Variants in ERN1 observed in about 807,000 individuals in gnomAD.
ERN1 encodes endoplasmic reticulum to nucleus signaling 1.
ERN1 carries 39 observed loss-of-function variants against 113.1 expected under a neutral mutation model. The ratio of observed to expected loss-of-function variants is 0.34; its 90% confidence interval spans 0.27 to 0.45. The LOEUF (loss-of-function observed/expected upper bound fraction) is 0.45. Ranked by LOEUF, ERN1 falls within the 20% of genes least tolerant of loss-of-function variation. The pLI is 1.00. For missense variants in ERN1, 976 were observed against 1,274.8 expected, an observed-to-expected ratio of 0.77 and a Z score of 3.57; for synonymous variants, 507 against 515.9, an observed-to-expected ratio of 0.98 and a Z score of 0.23.
At chr17:64,061,504 T>A (rs1913053621) in intron 10 of ERN1, among the ~76,000 whole-genome samples, 1 of 152,250 alleles carries the variant, frequency 6.6e-6, no homozygotes, top group Non-Finnish European at 1.5e-5. Context: ...CAGGAACTAG[T>A]CTAAGCTGTG....
At chr17:64,102,875 G>C (rs1289107004) in intron 1 of ERN1, 2 of 984,706 alleles carry the variant, frequency 2.0e-6, no homozygotes, top group African/African-American at 1.8e-5. Context: ...ATTTGATTCA[G>C]TTTTAAAACT....
intron 4 of ERN1, among the ~76,000 whole-genome samples, chr17:64,077,512 T>C (rs1371188145): frequency 1.3e-5 from 2 of 151,926 alleles, no homozygotes; most frequent in South Asian, 2.1e-4. Flanking sequence ...TGGCTTTACA[T>C]AAGTGAATGG....
Position 64,130,132 on chromosome 17 carries a change from C to T in ERN1, c.-103G>A, listed in dbSNP as rs1915204021. On this transcript the variant is annotated 5_prime_UTR_variant, in exon 1 of 22. Coordinates refer to ENST00000433197, the MANE Select transcript of ERN1 (RefSeq NM_001433.5). The surrounding 1 kb of genome is among the most constrained non-coding windows in gnomAD (Gnocchi z 4.0). ...TGACCGAGCCTCAGCGGACGCAGAA[C>T]TGACTAGGCAGCGGCGGCACCCCCA... 7 of 1,080,038 alleles carry T rather than the reference C, an allele frequency of 6.5e-6. No individual in the cohort carries two copies. Among genetic ancestry groups the T allele is most frequent in the Non-Finnish European group, 3.6e-6 (3 of 838,244 alleles). The allele number at this position is 1,080,038 out of a possible 1,614,324, so 66.9% of individuals were successfully genotyped here. A position where few individuals can be genotyped will look rare whatever the true frequency, so the allele number is the denominator to read the frequency against.
At chr17:64,109,008 CA>C (rs983699851) in intron 1 of ERN1, among the ~76,000 whole-genome samples, 9 of 152,106 alleles carry the variant, frequency 5.9e-5, no homozygotes, top group Non-Finnish European at 1.2e-4. Context: ...CCTGTAATCC[CA>C]ATTACTTGGG....
chr17:64,098,566 A>G (rs774753274), intron 1 of ERN1: 3 of 567,382 alleles, frequency 5.3e-6, no homozygotes, highest in South Asian at 2.8e-5. Context: ...TCTTGGGCCT[A>G]TTCTATTCTC....
In ERN1 at chr17:64,090,699, G is replaced by A. The variant is rs1914064623; in HGVS notation, c.175+7422C>T. 4.6e-5 allele frequency among the ~76,000 whole-genome samples: 7 copies of A among 152,304 alleles called. No individual in the cohort carries two copies. In the South Asian group the frequency reaches 1.2e-3, roughly 27 times the overall value. The stretch of plus-strand genomic sequence containing the variant: ...AGCTGAGATCCACGCTACTACGTGT[G>A]TGGCAGCTGCTAAGAGGAGCCATCC... On this transcript the variant is annotated intron_variant, in intron 2 of 21. Transcript: ENST00000433197.
In ERN1 at chr17:64,064,104, G is replaced by A. The variant is rs769509661; in HGVS notation, c.969C>T (p.Gly323=). ...LPLLEGPQTD[G]VTIGDKGECV... ...ACTCCCCCTTGTCCCCAATGGTGAC[G>A]CCATCAGTCTGGGGCCCTTCCAGCA... The change falls in exon 10 of 22, where the codon GGC becomes GGT. Residue 323 remains glycine (G), a synonymous_variant. Coordinates refer to ENST00000433197, the MANE Select transcript of ERN1 (RefSeq NM_001433.5). 6.8e-6 allele frequency: 11 copies of A among 1,610,574 alleles called. No homozygotes were observed. The highest frequency in any genetic ancestry group is 4.4e-5 in the South Asian group (4 of 90,484).
intron 2 of ERN1, among the ~76,000 whole-genome samples, chr17:64,096,757 G>A (rs540918457): frequency 6.6e-6 from 1 of 152,240 alleles, no homozygotes; most frequent in South Asian, 2.1e-4. Context: ...ACTAAGTAAC[G>A]GAGAGGACAC....
At chr17:64,072,676 A>C (rs763604676) in intron 5 of ERN1, among the ~76,000 whole-genome samples, 8 of 152,272 alleles carry the variant, frequency 5.3e-5, no homozygotes, top group African/African-American at 1.2e-4. Flanking sequence ...GCCAGTAAGT[A>C]ATTCCCTGGC....
At chr17:64,068,782 G>A (rs1226736184) in intron 6 of ERN1, among the ~76,000 whole-genome samples, 1 of 152,174 alleles carries the variant, frequency 6.6e-6, no homozygotes, top group African/African-American at 2.4e-5. Flanking sequence ...TGGAAAAGGG[G>A]TGACCCAGCT....
intron 1 of ERN1, among the ~76,000 whole-genome samples, chr17:64,127,023 TGTAAC>T (rs2143516380): frequency 6.6e-6 from 1 of 152,300 alleles, no homozygotes; most frequent in Non-Finnish European, 1.5e-5. Context: ...ACAGTGATGA[TGTAAC>T]CCTAACCAAC....
chr17:64,098,939 T>C (rs1914307688), intron 1 of ERN1, among the ~76,000 whole-genome samples: 1 of 152,118 alleles, frequency 6.6e-6, no homozygotes, highest in African/African-American at 2.4e-5. Flanking sequence ...GCACTGAAAA[T>C]TACTAGTATC....
chr17:64,044,633 C>T lies in ERN1; in HGVS notation c.2721+227G>A, dbSNP rs1035341097. Among the ~76,000 whole-genome samples the T allele has an allele frequency of 6.6e-6, 1 of 152,216 alleles. No individual in the cohort carries two copies. The highest frequency in any genetic ancestry group is 2.4e-5 in the African/African-American group (1 of 41,444). ...ACCAGAGACCATGAGGGACATGGGC[C>T]GCAGAGCACTGCTTCCCGGAGCTTC... On this transcript the variant is annotated intron_variant, in intron 21 of 21. Transcript: ENST00000433197. The surrounding 1 kb of genome is among the most constrained non-coding windows in gnomAD (Gnocchi z 4.1).
intron 1 of ERN1, among the ~76,000 whole-genome samples, chr17:64,127,264 C>T (rs1004993089): frequency 1.3e-5 from 2 of 152,114 alleles, no homozygotes; most frequent in Non-Finnish European, 2.9e-5. Flanking sequence ...GTTACTACAT[C>T]AATCAAAAAG....
rs5821420 is a variant in ERN1 at position 64,075,251 on chromosome 17, TAAAAAAA to T, written c.283-11_283-5del. On this transcript the variant is annotated splice_polypyrimidine_tract_variant and splice_region_variant and intron_variant, in intron 4 of 21. Transcript: ENST00000433197. The stretch of plus-strand genomic sequence containing the variant: ...CTGGGATGGTAAAAGGAAGTTTCTT[TAAAAAAA>T]AAAAAAAAGAAAAAAAAAAGTTAAC... The T allele has an allele frequency of 3.1e-6, 4 of 1,288,876 alleles. No homozygotes were observed. Among genetic ancestry groups the T allele is most frequent in the East Asian group, 6.0e-5 (2 of 33,226 alleles). 79.8% of individuals were successfully genotyped at this position (1,288,876 alleles called of 1,614,324 possible).
chr17:64,087,323 C>T (rs1910307228), intron 2 of ERN1, among the ~76,000 whole-genome samples: 1 of 152,200 alleles, frequency 6.6e-6, no homozygotes, highest in Non-Finnish European at 1.5e-5. Context: ...ACTTGCAAAT[C>T]CTCCGCATGG....
At chr17:64,119,536 G>A (rs150601701) in intron 1 of ERN1, among the ~76,000 whole-genome samples, 250 of 151,576 alleles carry the variant, frequency 1.6e-3, no homozygotes, top group African/African-American at 5.5e-3. Context: ...TTACAGGCAC[G>A]CGCCACCACG....
intron 17 of ERN1, among the ~76,000 whole-genome samples, chr17:64,050,411 C>T (rs1394112572): frequency 6.6e-6 from 1 of 152,166 alleles, no homozygotes; most frequent in African/African-American, 2.4e-5. Context: ...ATTATTGCCA[C>T]TTGTCCTTGT....
Position 64,063,903 on chromosome 17 carries a change from C to A in ERN1, c.1087+83G>T, listed in dbSNP as rs1217779827. Reference sequence around the variant, plus strand: ...AGCACAAGGCCTTCCGAGCTCAGTACGGTGTAACTACCAGGGCCGGCGGTC... The same window carrying A: ...AGCACAAGGCCTTCCGAGCTCAGTAAGGTGTAACTACCAGGGCCGGCGGTC... On this transcript the variant is annotated intron_variant, in intron 10 of 21. Coordinates refer to ENST00000433197, the MANE Select transcript of ERN1 (RefSeq NM_001433.5). This position sits in a 1 kb window ranked among gnomAD's most constrained non-coding sequence, Gnocchi z 5.1. 7.4e-7 allele frequency: 1 copy of A among 1,356,028 alleles called. No homozygotes were observed. Among genetic ancestry groups the A allele is most frequent in the South Asian group, 1.3e-5 (1 of 76,268 alleles). The allele number at this position is 1,356,028 out of a possible 1,614,324, so 84.0% of individuals were successfully genotyped here.
Sources: allele counts gnomAD v4.1 joint callset (sites outside exome capture counted in the v4.1 genomes callset), GRCh38; gene constraint gnomAD v4.1.1; non-coding constraint Gnocchi (gnomAD v3.1); transcripts MANE v1.5; gene names NCBI Gene and HGNC (gene_info 2026-07-23, HGNC 2026-07-21).